The following ADAMTSL1 variants were observed in gnomAD, a reference collection of about 807,000 sequenced individuals.
ADAMTSL1 encodes ADAMTS-like protein 1.
In ADAMTSL1, 126 loss-of-function variants were observed where a neutral mutation model predicts 201.8. That is an observed-to-expected ratio of 0.62 (90% CI 0.54 to 0.72). The LOEUF is 0.72. ADAMTSL1 is among the 30% of genes least tolerant of loss of function. ADAMTSL1 has a pLI of 0.00. For synonymous variants in ADAMTSL1, 1,121 were observed against 903.4 expected (o/e 1.24, Z -4.32); for missense variants, 2,679 against 2,277.8 (o/e 1.18, Z -3.59).
chr9:18,255,678 A>T (rs989055482), intron 2 of ADAMTSL1, among the ~76,000 whole-genome samples: 1 of 152,244 alleles, frequency 6.6e-6, no homozygotes, highest in Non-Finnish European at 1.5e-5. Context: ...ATCCAGAGAC[A>T]GGTGAAAATG....
intron 1 of ADAMTSL1, among the ~76,000 whole-genome samples, chr9:17,945,140 C>T (rs1827405244): frequency 7.7e-6 from 1 of 129,262 alleles, no homozygotes; most frequent in Non-Finnish European, 1.6e-5. Flanking sequence ...ACAACCCCAT[C>T]AAAAAGTGGG....
intron 2 of ADAMTSL1, among the ~76,000 whole-genome samples, chr9:18,258,074 C>T (rs978292641): frequency 1.3e-5 from 2 of 152,006 alleles, no homozygotes; most frequent in Non-Finnish European, 2.9e-5. Context: ...AATGAACGTA[C>T]GTAAAGCTGC....
At chr9:18,349,873 T>C (rs1222633496) in intron 2 of ADAMTSL1, among the ~76,000 whole-genome samples, 1 of 151,960 alleles carries the variant, frequency 6.6e-6, no homozygotes, top group Admixed American at 6.6e-5. Context: ...AGCACACGTC[T>C]GTTAGTTTGA....
chr9:18,405,242 C>T (rs1818139836), intron 2 of ADAMTSL1, among the ~76,000 whole-genome samples: 1 of 152,178 alleles, frequency 6.6e-6, no homozygotes, highest in African/African-American at 2.4e-5. Flanking sequence ...ATGCCAGCCA[C>T]AGCAAATACC....
chr9:18,011,633 A>C (rs1022408252), intron 1 of ADAMTSL1, among the ~76,000 whole-genome samples: 1 of 152,062 alleles, frequency 6.6e-6, no homozygotes, highest in African/African-American at 2.4e-5. Context: ...GTAGCTGTCA[A>C]ATAGAGAATA....
intron 25 of ADAMTSL1, among the ~76,000 whole-genome samples, chr9:18,891,218 C>G (rs953849596): frequency 3.3e-5 from 5 of 152,140 alleles, no homozygotes; most frequent in Non-Finnish European, 7.4e-5. Context: ...ACCCGTTTGC[C>G]TGCCAGGCAT....
intron 26 of ADAMTSL1, among the ~76,000 whole-genome samples, chr9:18,894,173 G>A (rs1829467334): frequency 6.6e-6 from 1 of 152,140 alleles, no homozygotes; most frequent in Non-Finnish European, 1.5e-5. Flanking sequence ...AAGAAGGAAT[G>A]GCACAATCAG....
chr9:18,158,754 C>A (rs897471087), intron 1 of ADAMTSL1, among the ~76,000 whole-genome samples: 11 of 151,754 alleles, frequency 7.2e-5, no homozygotes, highest in African/African-American at 2.7e-4. Context: ...TATTTTAGTC[C>A]TTTGTGTGCA....
intron 4 of ADAMTSL1, among the ~76,000 whole-genome samples, chr9:18,587,842 G>A (rs7041415): frequency 5.3e-5 from 8 of 152,214 alleles, no homozygotes; most frequent in East Asian, 1.9e-4. Context: ...ATTCCATTGT[G>A]TATATATACC....
intron 14 of ADAMTSL1, 60 bp downstream of exon 14, chr9:18,707,108 C>T: frequency 6.4e-7 from 1 of 1,557,630 alleles, no homozygotes; most frequent in Middle Eastern, 1.7e-4. Flanking sequence ...TCTCTCTCTG[C>T]ATGCAGCTGG....
intron 23 of ADAMTSL1, among the ~76,000 whole-genome samples, chr9:18,838,500 G>A (rs1370139484): frequency 6.6e-6 from 1 of 151,756 alleles, no homozygotes; most frequent in African/African-American, 2.4e-5. Context: ...GATAGCCTCA[G>A]GTGGCTCCAG....
chr9:18,095,719 G>T (rs1309254121), intron 1 of ADAMTSL1, among the ~76,000 whole-genome samples: 1 of 152,142 alleles, frequency 6.6e-6, no homozygotes. Flanking sequence ...CCACTGTGGT[G>T]GCCCTCCCTG....
chr9:18,494,072 AGGATGG>A (rs1243225057), intron 1 of ADAMTSL1, among the ~76,000 whole-genome samples: 1 of 152,162 alleles, frequency 6.6e-6, no homozygotes, highest in Non-Finnish European at 1.5e-5. Flanking sequence ...CAAAACACAC[AGGATGG>A]CTGGGTGGTG....
At chr9:18,425,466 A>G (rs1819168584) in intron 2 of ADAMTSL1, among the ~76,000 whole-genome samples, 1 of 152,180 alleles carries the variant, frequency 6.6e-6, no homozygotes, top group African/African-American at 2.4e-5. Flanking sequence ...ATCCCCAAAC[A>G]TTGCTAAAAT....
chr9:18,252,377 G>C (rs1016300324), intron 2 of ADAMTSL1, among the ~76,000 whole-genome samples: 1 of 152,102 alleles, frequency 6.6e-6, no homozygotes, highest in African/African-American at 2.4e-5. Flanking sequence ...GTTGCCCCTT[G>C]TTATCCATTG....
chr9:18,377,398 C>G (rs1213709102), intron 2 of ADAMTSL1, among the ~76,000 whole-genome samples: 1 of 152,128 alleles, frequency 6.6e-6, no homozygotes, highest in Admixed American at 6.5e-5. Context: ...ATCCAGATAT[C>G]GAGATCTTAA....
chr9:18,017,012 C>G (rs749900491), intron 1 of ADAMTSL1, among the ~76,000 whole-genome samples: 1 of 152,076 alleles, frequency 6.6e-6, no homozygotes, highest in Admixed American at 6.6e-5. Flanking sequence ...TCCCACATCA[C>G]TGGATACTTT....
In ADAMTSL1 at chr9:18,063,681, G is replaced by C. The variant is rs113230564; in HGVS notation, c.88-100181G>C. On this transcript the variant is annotated intron_variant, in intron 1 of 29. Transcript: ENST00000680146. ...GATGCTTACTGTATACCACGAGGAAGAGCTCCTGGATAGTTCCCACAGGCA... is the reference window on the plus strand; with the variant it reads ...GATGCTTACTGTATACCACGAGGAACAGCTCCTGGATAGTTCCCACAGGCA... Among the ~76,000 whole-genome samples the C allele has an allele frequency of 6.4e-3, 975 of 152,318 alleles. 8 individuals are homozygous for C. Among genetic ancestry groups the C allele is most frequent in the African/African-American group, 0.022 (907 of 41,566 alleles).
intron 2 of ADAMTSL1, among the ~76,000 whole-genome samples, chr9:18,387,319 A>G (rs1233364047): frequency 2.0e-5 from 3 of 152,176 alleles, no homozygotes; most frequent in South Asian, 2.1e-4. Flanking sequence ...TCTTACAGAC[A>G]TATAGTAATG....
Sources: allele counts gnomAD v4.1 joint callset (sites outside exome capture counted in the v4.1 genomes callset), GRCh38; gene constraint gnomAD v4.1.1; transcripts MANE v1.5; gene names NCBI Gene and HGNC (gene_info 2026-07-23, HGNC 2026-07-21).